The following ZMYND10 variants were observed in gnomAD, a reference collection of about 807,000 sequenced individuals.
The protein encoded by ZMYND10 is zinc finger MYND domain-containing protein 10.
ZMYND10 carries 52 observed loss-of-function variants against 62.6 expected under a neutral mutation model. The observed-to-expected ratio is 0.83, with a 90% CI of 0.67 to 1.05. The LOEUF is 1.05. ZMYND10 is among the 50% of genes least tolerant of loss of function. The pLI, the probability that ZMYND10 is intolerant of heterozygous loss-of-function variation, is 0.00. For synonymous variants in ZMYND10, 197 were observed against 218.5 expected (o/e 0.90, Z 0.87); for missense variants, 438 against 543.3 (o/e 0.81, Z 1.93).
chr3:50,342,498 A>G lies in ZMYND10; in HGVS notation c.772T>C (p.Leu258=). 1 of 1,614,034 alleles carries G rather than the reference A, an allele frequency of 6.2e-7. No homozygotes were observed. Among genetic ancestry groups the G allele is most frequent in the Non-Finnish European group, 8.5e-7 (1 of 1,179,966 alleles). The part of the protein sequence containing the change: ...APSEQQKLSK[L]DGQVWIALYN... ...AGGGCGATCCACACTTGCCCGTCCA[A>G]CTTGCTCAGCTTTTGCTGCTCTGAG... The change falls in exon 8 of 12, where the codon TTG becomes CTG. Residue 258 remains leucine, a synonymous_variant. Coordinates refer to ENST00000231749, the MANE Select transcript of ZMYND10 (RefSeq NM_015896.4).
In ZMYND10 at chr3:50,344,096, C is replaced by T. The variant is rs940502068; in HGVS notation, c.202-246G>A. The T allele has an allele frequency of 1.2e-5, 6 of 511,280 alleles. No individual in the cohort carries two copies. The Admixed American group carries it at 1.6e-4, about 14-fold the overall frequency. The allele number at this position is 511,280 out of a possible 1,614,324, so 31.7% of individuals were successfully genotyped here. A position where few individuals can be genotyped will look rare whatever the true frequency, so the allele number is the denominator to read the frequency against. On this transcript the variant is annotated intron_variant, in intron 2 of 11. Transcript: ENST00000231749. ...TGGCTCCTGCCCAGTTCCCAGACTG[C>T]CTTGCCCTGCCTGCACCTGCACCCT... is the stretch of plus-strand genomic sequence containing the variant.
chr3:50,344,005 G>T, intron 2 of ZMYND10, 155 bp from the exon 3 acceptor site: 1 of 655,032 alleles, frequency 1.5e-6, no homozygotes, highest in Non-Finnish European at 2.7e-6. Context: ...CTTCTCTCTT[G>T]CACCTTGGAC....
Position 50,341,131 on chromosome 3 carries a change from C to T in ZMYND10, c.*279G>A, listed in dbSNP as rs908992079. The T allele has an allele frequency of 8.4e-6, 5 of 597,338 alleles. No individual in the cohort carries two copies. Among genetic ancestry groups the T allele is most frequent in the African/African-American group, 3.7e-5 (2 of 53,606 alleles). The allele number at this position is 597,338 out of a possible 1,614,324, so 37.0% of individuals were successfully genotyped here. A position where few individuals can be genotyped will look rare whatever the true frequency, so the allele number is the denominator to read the frequency against. ...CCCGTGTTTCTGGAGGCCAGCTTTACTGTGCTAGAGGAAGAGGGTCCCCAC... is the reference window on the plus strand; with the variant it reads ...CCCGTGTTTCTGGAGGCCAGCTTTATTGTGCTAGAGGAAGAGGGTCCCCAC... On this transcript the variant is annotated 3_prime_UTR_variant, in exon 12 of 12. Coordinates refer to ENST00000231749, the MANE Select transcript of ZMYND10 (RefSeq NM_015896.4).
rs587766918 is a variant in ZMYND10, at chr3:50,345,360, G to C, written c.92+128C>G. The C allele has an allele frequency of 5.2e-5, 78 of 1,496,450 alleles. 1 individual carries two copies. The East Asian group carries it at 1.0e-3, about 20-fold the overall frequency. 92.7% of individuals were successfully genotyped at this position (1,496,450 alleles called of 1,614,324 possible). ...GGGGCTCAGGAGCAGTAATACTCCT[G>C]TCTCGGAACGCTCTGCTCCCCCATT... On this transcript the variant is annotated intron_variant, in intron 1 of 11. Coordinates refer to ENST00000231749, the MANE Select transcript of ZMYND10 (RefSeq NM_015896.4). This position sits in a 1 kb window ranked among gnomAD's most constrained non-coding sequence, Gnocchi z 5.0.
In ZMYND10 at chr3:50,341,115, C is replaced by G; in HGVS notation, c.*295G>C. On this transcript the variant is annotated 3_prime_UTR_variant, in exon 12 of 12. Transcript: ENST00000231749. ...GCACCACGCGGAGATACCCGTGTTT[C>G]TGGAGGCCAGCTTTACTGTGCTAGA... 2 of 587,924 alleles carry G rather than the reference C, an allele frequency of 3.4e-6. No individual in the cohort carries two copies. Among genetic ancestry groups the G allele is most frequent in the Non-Finnish European group, 5.9e-6 (2 of 337,338 alleles). The allele number at this position is 587,924 out of a possible 1,614,324, so 36.4% of individuals were successfully genotyped here.
In ZMYND10 at chr3:50,341,872, G is replaced by A. The variant is rs1385177683; in HGVS notation, c.1059C>T (p.Ala353=). 2 of 1,614,056 alleles carry A rather than the reference G, an allele frequency of 1.2e-6. No homozygotes were observed. Among genetic ancestry groups the A allele is most frequent in the East Asian group, 4.5e-5 (2 of 44,904 alleles). ...TGAACACATGCTGGAGCTGGTGCTT[G>A]GCAATTGCCTGCCACTTGCCTCTGT... is the stretch of plus-strand genomic sequence containing the variant. ...RENRGKWQAI[A]KHQLQHVFSP... Residue 353 remains alanine, a synonymous_variant, in exon 10 of 12, where the codon GCC becomes GCT. Transcript: ENST00000231749.
At chr3:50,344,853 T>C (rs1703496270) in intron 2 of ZMYND10, 1 of 156,426 alleles carries the variant, frequency 6.4e-6, no homozygotes, top group Non-Finnish European at 1.3e-5. Flanking sequence ...AATTCACAGA[T>C]GCCTTTAGCA....
At chr3:50,344,175 G>A in intron 2 of ZMYND10, 2 of 381,988 alleles carry the variant, frequency 5.2e-6, no homozygotes, top group Non-Finnish European at 9.9e-6. Flanking sequence ...TTCTCCTCAT[G>A]CCCTCCCTCT....
Position 50,345,245 on chromosome 3 carries a change from G to T in ZMYND10, c.93-13C>A. 6.2e-7 allele frequency: 1 copy of T among 1,611,616 alleles called. No individual in the cohort carries two copies. Among genetic ancestry groups the T allele is most frequent in the Non-Finnish European group, 8.5e-7 (1 of 1,178,874 alleles). On this transcript the variant is annotated splice_polypyrimidine_tract_variant and intron_variant, in intron 1 of 11. Coordinates refer to ENST00000231749, the MANE Select transcript of ZMYND10 (RefSeq NM_015896.4). This position sits in a 1 kb window ranked among gnomAD's most constrained non-coding sequence, Gnocchi z 5.0. ...CTGCTGGTTCCACCTGCCTCAGAGG[G>T]TAAGTGCATGTGCGTCCACGTGTGT...
At position 50,343,155 on chromosome 3, in the gene ZMYND10, G is replaced by A. The variant is rs1340705610; in HGVS notation, c.562C>T (p.Leu188Phe). ...LMEFEIALKA[L>F]SVLRYITDCV... is the part of the protein sequence containing the mutation. The stretch of plus-strand genomic sequence containing the variant: ...TCTGTGATGTAGCGTAGTACTGAGA[G>A]GGCCTTCAGTGCAATCTCAAATTCC... The change falls in exon 6 of 12, where the codon CTC becomes TTC. Residue 188 changes from leucine (L) to phenylalanine (F), a missense_variant. Physicochemically the swap from Leu to Phe is conservative, Grantham distance 22. Transcript: ENST00000231749. 3 of 1,614,134 alleles carry A rather than the reference G, an allele frequency of 1.9e-6. No homozygotes were observed. The highest frequency in any genetic ancestry group is 8.5e-7 in the Non-Finnish European group (1 of 1,180,038).
chr3:50,345,460 G>T lies in ZMYND10; in HGVS notation c.92+28C>A. On this transcript the variant is annotated intron_variant, in intron 1 of 11. Coordinates refer to ENST00000231749, the MANE Select transcript of ZMYND10 (RefSeq NM_015896.4). The surrounding 1 kb of genome is among the most constrained non-coding windows in gnomAD (Gnocchi z 5.0). ...TCCCCGACTCAAGGACAATGACTCC[G>T]GGACTCCGCCTGACCCGGGTGCCTC... The T allele has an allele frequency of 6.4e-7, 1 of 1,566,258 alleles. No individual in the cohort carries two copies.
chr3:50,345,056 G>C lies in ZMYND10; in HGVS notation c.201+68C>G. ...GGCCAGAGGGGAAGGGCACACAGGG[G>C]ACTCCGGAGGGGTAGAGTAGGTGAG... is the stretch of plus-strand genomic sequence containing the variant. On this transcript the variant is annotated intron_variant, in intron 2 of 11. Transcript: ENST00000231749. The surrounding 1 kb of genome is among the most constrained non-coding windows in gnomAD (Gnocchi z 5.0). 1 of 1,367,734 alleles carries C rather than the reference G, an allele frequency of 7.3e-7. No individual in the cohort carries two copies. The highest frequency in any genetic ancestry group is 1.0e-6 in the Non-Finnish European group (1 of 971,012). 84.7% of individuals were successfully genotyped at this position (1,367,734 alleles called of 1,614,324 possible).
Position 50,345,130 on chromosome 3 carries a change from A to T in ZMYND10, c.195T>A (p.His65Gln), listed in dbSNP as rs765025165. 1 of 1,613,698 alleles carries T rather than the reference A, an allele frequency of 6.2e-7. No homozygotes were observed. Among genetic ancestry groups the T allele is most frequent in the East Asian group, 2.2e-5 (1 of 44,866 alleles). Residue 65 changes from histidine to glutamine, a missense_variant, in exon 2 of 12, where the codon CAT becomes CAA. By Grantham distance (24) the His-to-Gln change is conservative. Coordinates refer to ENST00000231749, the MANE Select transcript of ZMYND10 (RefSeq NM_015896.4). The surrounding 1 kb of genome is among the most constrained non-coding windows in gnomAD (Gnocchi z 5.0). ...GCCTGTGACCTCGGGGTACCTTCCC[A>T]TGGGTGACCAGCAGCTCCTGAATGG... ...GEPIQELLVT[H>Q]GKVPTLVEEL...
Position 50,341,233 on chromosome 3 carries a change from C to T in ZMYND10, c.*177G>A, listed in dbSNP as rs926890298. ...ACCCACTGGGTGGGGCAGGAAGTCT[C>T]GAGCCTTCACTTGGGGTGAGGAGGA... is the stretch of plus-strand genomic sequence containing the variant. On this transcript the variant is annotated 3_prime_UTR_variant, in exon 12 of 12. Coordinates refer to ENST00000231749, the MANE Select transcript of ZMYND10 (RefSeq NM_015896.4). 8.8e-6 allele frequency: 7 copies of T among 791,640 alleles called. No homozygotes were observed. In the Admixed American group the frequency reaches 1.3e-4, roughly 15 times the overall value. The allele number at this position is 791,640 out of a possible 1,614,324, so 49.0% of individuals were successfully genotyped here. A position where few individuals can be genotyped will look rare whatever the true frequency, so the allele number is the denominator to read the frequency against.
At position 50,345,262 on chromosome 3, in the gene ZMYND10, C is replaced by T. The variant is rs1485466910; in HGVS notation, c.93-30G>A. 3 of 1,603,854 alleles carry T rather than the reference C, an allele frequency of 1.9e-6. No homozygotes were observed. The South Asian group carries it at 3.4e-5, about 18-fold the overall frequency. On this transcript the variant is annotated intron_variant, in intron 1 of 11. Transcript: ENST00000231749. The surrounding 1 kb of genome is among the most constrained non-coding windows in gnomAD (Gnocchi z 5.0). ...CTCAGAGGGTAAGTGCATGTGCGTC[C>T]ACGTGTGTGCATTAGGAGTGGGGAT...
At position 50,342,917 on chromosome 3, in the gene ZMYND10, C is replaced by T. The variant is rs1297857806; in HGVS notation, c.700+1G>A. On this transcript the variant is annotated splice_donor_variant, in intron 7 of 11. Coordinates refer to ENST00000231749, the MANE Select transcript of ZMYND10 (RefSeq NM_015896.4). LOFTEE classifies it high-confidence loss of function. ...CTTAGGCTGGTGGGGGAGGACCCTA[C>T]CTCCTTCCCGCCGGCTCCAGGGACT... 2 of 1,613,708 alleles carry T rather than the reference C, an allele frequency of 1.2e-6. No homozygotes were observed. The highest frequency in any genetic ancestry group is 1.7e-5 in the Admixed American group (1 of 60,014).
In ZMYND10 at chr3:50,345,382, C is replaced by T; in HGVS notation, c.92+106G>A. 6.6e-7 allele frequency: 1 copy of T among 1,506,464 alleles called. No individual in the cohort carries two copies. The highest frequency in any genetic ancestry group is 9.0e-7 in the Non-Finnish European group (1 of 1,114,022). 93.3% of individuals were successfully genotyped at this position (1,506,464 alleles called of 1,614,324 possible). ...CCTGTCTCGGAACGCTCTGCTCCCC[C>T]ATTTGGGAGCCCCTCCACACTGGGC... is the stretch of plus-strand genomic sequence containing the variant. On this transcript the variant is annotated intron_variant, in intron 1 of 11. Transcript: ENST00000231749. This position sits in a 1 kb window ranked among gnomAD's most constrained non-coding sequence, Gnocchi z 5.0.
rs75782239 is a variant in ZMYND10 at position 50,342,044 on chromosome 3, G to T, written c.970C>A (p.Pro324Thr). The T allele has an allele frequency of 1.8e-3, 2,955 of 1,614,204 alleles. 42 individuals carry two copies. The African/African-American group carries it at 0.036, about 19-fold the overall frequency. Residue 324 changes from proline (P) to threonine (T), a missense_variant, in exon 9 of 12, where the codon CCT (proline) becomes ACT (threonine). By Grantham distance (38) the Pro-to-Thr change is conservative. Coordinates refer to ENST00000231749, the MANE Select transcript of ZMYND10 (RefSeq NM_015896.4). ...TCCAACACCAGGTCCTTCTTAGGAGGCTGGGTTTCAGTTAGGGTCAGATGG... is the reference window on the plus strand; with the variant it reads ...TCCAACACCAGGTCCTTCTTAGGAGTCTGGGTTTCAGTTAGGGTCAGATGG... ...LAHLTLTETQPPKKDLVLEQI... is the reference protein window; with the variant it reads ...LAHLTLTETQTPKKDLVLEQI...
At chr3:50,344,213 C>CT (rs1458098042) in intron 2 of ZMYND10, among the ~76,000 whole-genome samples, 1 of 152,036 alleles carries the variant, frequency 6.6e-6, no homozygotes, top group African/African-American at 2.4e-5. Flanking sequence ...CTCCAAAGCT[C>CT]TTGTGTGCCT....
Sources: allele counts gnomAD v4.1 joint callset (sites outside exome capture counted in the v4.1 genomes callset), GRCh38; gene constraint gnomAD v4.1.1; non-coding constraint Gnocchi (gnomAD v3.1); transcripts MANE v1.5; gene names NCBI Gene and HGNC (gene_info 2026-07-23, HGNC 2026-07-21).